The following SLC36A1 variants were observed in gnomAD, a reference collection of about 807,000 sequenced individuals.
SLC36A1 encodes the protein proton-coupled amino acid transporter 1.
A neutral mutation model predicts 47.5 loss-of-function variants in SLC36A1; 30 were observed. The ratio of observed to expected loss-of-function variants is 0.63; its 90% CI spans 0.47 to 0.86. The LOEUF (loss-of-function observed/expected upper bound fraction) is 0.86, where lower values mean the gene tolerates loss of function less well. Ranked by LOEUF, SLC36A1 falls within the 40% of genes least tolerant of loss-of-function variation. The probability of loss-of-function intolerance (pLI) is 0.00; values close to 1 mark genes in which losing one functional copy is unlikely to be tolerated. For missense variants in SLC36A1, 517 were observed against 606.0 expected (o/e 0.85, Z 1.54); for synonymous variants, 255 against 249.7 (o/e 1.02, Z -0.20).
chr5:151,347,607 C>T, the SLC36A1 span: 1 of 925,470 alleles, frequency 1.1e-6, no homozygotes, highest in African/African-American at 1.6e-5. Flanking sequence ...AGGCCCCGCC[C>T]ACCTCCCTGG....
the SLC36A1 span, among the ~76,000 whole-genome samples, chr5:151,391,035 C>A: frequency 6.6e-6 from 1 of 152,140 alleles, no homozygotes; most frequent in African/African-American, 2.4e-5. Context: ...TCTTCCTATC[C>A]ATGAGCATGG....
the SLC36A1 span, among the ~76,000 whole-genome samples, chr5:151,404,181 T>C: frequency 6.6e-6 from 1 of 152,170 alleles, no homozygotes; most frequent in Non-Finnish European, 1.5e-5. Context: ...TTCTTTGCCC[T>C]TTTTTTACTG....
chr5:151,409,023 A>G, the SLC36A1 span, among the ~76,000 whole-genome samples: 15 of 141,644 alleles, frequency 1.1e-4, no homozygotes, highest in Admixed American at 5.8e-4. Context: ...CTTTGAGACA[A>G]TGTCTCACTG....
chr5:151,465,699 G>A (rs7729973), intron 5 of SLC36A1, among the ~76,000 whole-genome samples: 16,158 of 152,150 alleles, frequency 0.11, 2,368 homozygotes, highest in African/African-American at 0.33. Context: ...AGTGCTCAGA[G>A]AGAGAGGAAC....
At chr5:151,347,567 G>C in the SLC36A1 span, 3 of 1,419,894 alleles carry the variant, frequency 2.1e-6, no homozygotes, top group African/African-American at 2.8e-5. Flanking sequence ...AGTGGTGTGT[G>C]CCCGGGCTGG....
chr5:151,543,963 G>T, the SLC36A1 span: 1 of 1,614,118 alleles, frequency 6.2e-7, no homozygotes, highest in Non-Finnish European at 8.5e-7. Flanking sequence ...CCAGTTCACT[G>T]ACATTGGCTT....
the SLC36A1 span, among the ~76,000 whole-genome samples, chr5:151,369,738 T>G: frequency 6.6e-6 from 1 of 152,240 alleles, no homozygotes. Flanking sequence ...CACCTCAGCC[T>G]ACCAAAGTGT....
rs1310201712 is a variant in SLC36A1 at position 151,473,674 on chromosome 5, G to A, written c.725G>A (p.Arg242Lys). The A allele has an allele frequency of 4.4e-6, 7 of 1,604,760 alleles. No individual in the cohort carries two copies. Among genetic ancestry groups the A allele is most frequent in the Non-Finnish European group, 6.0e-6 (7 of 1,172,398 alleles). The change falls in exon 8 of 11, where the codon AGG becomes AAG. Residue 242 changes from arginine to lysine, a missense_variant and splice_region_variant. By Grantham distance (26) the Arg-to-Lys change is conservative. Transcript: ENST00000243389. ...TTTGTTTTGCTTTCTGTCTTTCAGA[G>A]GATCCCAGACCCCAGCCACCTCCCC... ...LVMIYQFIVQ[R>K]IPDPSHLPLV... is the part of the protein sequence containing the mutation.
chr5:151,481,000 TC>T (rs1219731020), intron 10 of SLC36A1, among the ~76,000 whole-genome samples: 1 of 152,184 alleles, frequency 6.6e-6, no homozygotes, highest in East Asian at 1.9e-4. Flanking sequence ...CTGACTCCTC[TC>T]CCTGCCCAAT....
chr5:151,380,252 C>A, the SLC36A1 span: 105,675 of 224,192 alleles, frequency 0.47, 27,594 homozygotes, highest in African/African-American at 0.75. Flanking sequence ...TGGGAGGCTG[C>A]GGCGGGCGGA....
At chr5:151,540,842 G>A in the SLC36A1 span, 5 of 1,310,946 alleles carry the variant, frequency 3.8e-6, no homozygotes, top group African/African-American at 7.4e-5. Context: ...GCTGCCCATT[G>A]GATGCATTTT....
the SLC36A1 span, chr5:151,542,615 C>T: frequency 6.2e-7 from 1 of 1,614,202 alleles, no homozygotes; most frequent in Non-Finnish European, 8.5e-7. Flanking sequence ...CCAGGGTCTG[C>T]AGACAGCCTG....
the SLC36A1 span, among the ~76,000 whole-genome samples, chr5:151,550,109 C>T: frequency 4.6e-5 from 7 of 152,070 alleles, no homozygotes; most frequent in Non-Finnish European, 8.8e-5. Context: ...TAGGGGGAAG[C>T]AAGTGAGGCA....
At chr5:151,503,504 T>A in the SLC36A1 span, among the ~76,000 whole-genome samples, 22,355 of 149,566 alleles carry the variant, frequency 0.15, 2,019 homozygotes, top group Non-Finnish European at 0.21. Flanking sequence ...CTGCGTGGTG[T>A]CTCCCACGGG....
At chr5:151,505,466 A>G in the SLC36A1 span, 1 of 1,438,134 alleles carries the variant, frequency 7.0e-7, no homozygotes, top group Non-Finnish European at 9.5e-7. Context: ...CTTCCCTCCC[A>G]CTCTCCCAGC....
At chr5:151,537,267 A>ATGG in the SLC36A1 span, among the ~76,000 whole-genome samples, 3 of 148,944 alleles carry the variant, frequency 2.0e-5, no homozygotes, top group African/African-American at 7.4e-5. Flanking sequence ...TAAGAAGACG[A>ATGG]TGGTGGTGGT....
chr5:151,380,966 G>A, the SLC36A1 span: 1 of 395,852 alleles, frequency 2.5e-6, no homozygotes, highest in Non-Finnish European at 5.1e-6. Flanking sequence ...TGTGTGACAG[G>A]CCAGATCCCT....
At chr5:151,433,688 G>A (rs1310573399), upstream of SLC36A1, among the ~76,000 whole-genome samples, 1 of 152,084 alleles carries the variant, frequency 6.6e-6, no homozygotes, top group African/African-American at 2.4e-5. Context: ...GGTGAAGACA[G>A]GAACTCTGAG....
the SLC36A1 span, among the ~76,000 whole-genome samples, chr5:151,385,009 A>AGAGTGTGT: frequency 0.016 from 2,094 of 128,484 alleles, 23 homozygotes; most frequent in African/African-American, 0.018. Flanking sequence ...AGAGAGAGAG[A>AGAGTGTGT]GTGTGTGTGT....
Sources: gnomAD v4.1 joint callset for allele counts (sites outside exome capture counted in the v4.1 genomes callset) on GRCh38, gnomAD v4.1.1 for gene constraint, MANE v1.5 for transcripts, NCBI Gene and HGNC (gene_info 2026-07-23, HGNC 2026-07-21) for gene names.